The following CLEC12A variants were observed in gnomAD, a reference collection of about 807,000 sequenced individuals.
CLEC12A encodes the protein C-type lectin domain family 12 member A.
In CLEC12A, 22 loss-of-function variants were observed where a neutral mutation model predicts 26.5. The ratio of observed to expected loss-of-function variants is 0.83; its 90% CI spans 0.59 to 1.19. The LOEUF (loss-of-function observed/expected upper bound fraction) is 1.19, where lower values mean the gene tolerates loss of function less well. Ranked by LOEUF, CLEC12A falls within the 50% of genes most tolerant of loss-of-function variation. The pLI, the probability that CLEC12A is intolerant of heterozygous loss-of-function variation, is 0.00. For missense variants in CLEC12A, 353 were observed against 315.6 expected, an observed-to-expected ratio of 1.12 and a Z score of -0.90; for synonymous variants, 119 against 101.9, an observed-to-expected ratio of 1.17 and a Z score of -1.01.
At chr12:9,963,245 T>C (rs1288549447) in intron 1 of CLEC12A, among the ~76,000 whole-genome samples, 1 of 152,010 alleles carries the variant, frequency 6.6e-6, no homozygotes, top group African/African-American at 2.4e-5. Context: ...TTGGCAAGTT[T>C]TTGGGCTCTA....
chr12:9,954,205 TAAAAAAAAAAAA>T lies in CLEC12A; in HGVS notation c.10+2866_10+2877del, dbSNP rs35173002. ...GTGAGAAACACCCAAGAATTATCAA[TAAAAAAAAAAAA>T]AAAAAAAAAAAAAAAATCAAACTGT... On this transcript the variant is annotated intron_variant, in intron 1 of 6. Transcript: ENST00000355690. Among the ~76,000 whole-genome samples, 26 of 64,444 alleles carry T rather than the reference TAAAAAAAAAAAA, an allele frequency of 4.0e-4. No individual in the cohort carries two copies. The East Asian group carries it at 0.011, about 27-fold the overall frequency. The allele number at this position is 64,444 out of a possible 152,430, so 42.3% of individuals were successfully genotyped here.
At chr12:9,993,356 A>G (rs774424562) in intron 4 of CLEC12A, 5 of 1,203,866 alleles carry the variant, frequency 4.2e-6, no homozygotes, top group Non-Finnish European at 5.9e-6. Flanking sequence ...GACTCTGCGT[A>G]TAGTAGTTTG....
chr12:10,002,816 C>G, the CLEC12A span, among the ~76,000 whole-genome samples: 5 of 152,154 alleles, frequency 3.3e-5, no homozygotes, highest in African/African-American at 1.2e-4. Context: ...ATTCTTTCGA[C>G]TACATTATGA....
intron 1 of CLEC12A, among the ~76,000 whole-genome samples, chr12:9,973,800 C>T (rs1327674005): frequency 6.6e-6 from 1 of 152,044 alleles, no homozygotes; most frequent in Non-Finnish European, 1.5e-5. Context: ...GACAGACTTC[C>T]GTAATTTTTT....
At chr12:10,006,000 A>G in the CLEC12A span, among the ~76,000 whole-genome samples, 1 of 152,232 alleles carries the variant, frequency 6.6e-6, no homozygotes, top group Non-Finnish European at 1.5e-5. Flanking sequence ...GTGAGAATGA[A>G]TCCTTCTGTC....
chr12:9,970,150 T>C (rs568526499), upstream of CLEC12A, among the ~76,000 whole-genome samples: 8 of 152,338 alleles, frequency 5.3e-5, no homozygotes, highest in East Asian at 3.9e-4. Context: ...GAATTTTTGA[T>C]ACATTTAGGA....
intron 4 of CLEC12A, chr12:9,994,909 T>C (rs923441032): frequency 9.0e-7 from 1 of 1,112,288 alleles, no homozygotes; most frequent in African/African-American, 1.6e-5. Flanking sequence ...TAAAAATGAA[T>C]GGGAATAATA....
chr12:9,958,768 T>C (rs1205661576), intron 1 of CLEC12A, among the ~76,000 whole-genome samples: 5 of 152,152 alleles, frequency 3.3e-5, no homozygotes, highest in Non-Finnish European at 5.9e-5. Context: ...GACAAGTTTA[T>C]TGGAGATCTC....
chr12:9,998,969 AAAAG>A (rs764228211), downstream of CLEC12A: 42 of 928,758 alleles, frequency 4.5e-5, no homozygotes, highest in Non-Finnish European at 6.4e-5. Flanking sequence ...CAATAGTAGA[AAAAG>A]AAAGAATTGA....
At chr12:9,973,879 T>G (rs1864232128) in intron 1 of CLEC12A, among the ~76,000 whole-genome samples, 1 of 152,100 alleles carries the variant, frequency 6.6e-6, no homozygotes, top group Non-Finnish European at 1.5e-5. Context: ...CAACATACTC[T>G]ACTACTCACC....
intron 5 of CLEC12A, chr12:9,983,869 G>A (rs564075467): frequency 4.0e-6 from 1 of 248,496 alleles, no homozygotes; most frequent in Non-Finnish European, 7.9e-6. Flanking sequence ...TACAAATGGA[G>A]TGGAGAAGGA....
At chr12:9,967,019 G>A (rs1338189013), upstream of CLEC12A, among the ~76,000 whole-genome samples, 2 of 151,712 alleles carry the variant, frequency 1.3e-5, no homozygotes, top group African/African-American at 2.4e-5. Context: ...TGAACAGGTT[G>A]GGGAGGGCTA....
At chr12:9,992,458 G>A (rs542731858) in intron 4 of CLEC12A, 3 of 152,178 alleles carry the variant, frequency 2.0e-5, no homozygotes, top group African/African-American at 4.8e-5. Context: ...ATATCTCTCT[G>A]TTTTGTGAGC....
chr12:9,951,794 G>A (rs1387850073), intron 1 of CLEC12A: 1 of 195,392 alleles, frequency 5.1e-6, no homozygotes, highest in Non-Finnish European at 1.1e-5. Flanking sequence ...TTCAGGGTTG[G>A]TCTGCATGTG....
At chr12:10,004,904 A>G in the CLEC12A span, among the ~76,000 whole-genome samples, 1 of 149,798 alleles carries the variant, frequency 6.7e-6, no homozygotes, top group African/African-American at 2.5e-5. Flanking sequence ...TCCTAATGCT[A>G]TCCCTCCCCA....
chr12:9,955,312 C>G (rs1863726209), intron 1 of CLEC12A, among the ~76,000 whole-genome samples: 1 of 152,178 alleles, frequency 6.6e-6, no homozygotes, highest in Non-Finnish European at 1.5e-5. Flanking sequence ...TGGTCTTGAT[C>G]TCCTGACCTC....
chr12:9,971,989 T>A (rs1288793516), intron 1 of CLEC12A, among the ~76,000 whole-genome samples: 1 of 152,038 alleles, frequency 6.6e-6, no homozygotes, highest in African/African-American at 2.4e-5. Flanking sequence ...TTTATTTCTT[T>A]ATGAGATGAA....
upstream of CLEC12A, among the ~76,000 whole-genome samples, chr12:9,967,257 G>A (rs1031526488): frequency 4.2e-5 from 6 of 144,072 alleles, no homozygotes; most frequent in Admixed American, 4.3e-4. Context: ...TTTGGGATGA[G>A]TTGCATTGGG....
intron 1 of CLEC12A, among the ~76,000 whole-genome samples, chr12:9,955,976 A>G (rs925605007): frequency 1.3e-5 from 2 of 151,934 alleles, no homozygotes; most frequent in Non-Finnish European, 2.9e-5. Context: ...GGCAAGAGGG[A>G]AAAAAAAGAT....
Sources: gnomAD v4.1 joint callset for allele counts (sites outside exome capture counted in the v4.1 genomes callset) on GRCh38, gnomAD v4.1.1 for gene constraint, MANE v1.5 for transcripts, NCBI Gene and HGNC (gene_info 2026-07-23, HGNC 2026-07-21) for gene names.